The following SMIM10L3 variants were observed in gnomAD, a reference collection of about 807,000 sequenced individuals.
SMIM10L3 encodes salivary gland specific protein SAGSIN1.
At chr7:6,334,343 C>T in the SMIM10L3 span, among the ~76,000 whole-genome samples, 2 of 151,404 alleles carry the variant, frequency 1.3e-5, no homozygotes, top group Middle Eastern at 6.3e-3. Flanking sequence ...CAAGACCAGC[C>T]TGAACAACAT....
chr7:6,343,667 T>C, the SMIM10L3 span, among the ~76,000 whole-genome samples: 1 of 151,818 alleles, frequency 6.6e-6, no homozygotes, highest in South Asian at 2.1e-4. Flanking sequence ...TGCTTGCAAA[T>C]AGTATTTTAA....
chr7:6,342,706 A>T, the SMIM10L3 span, among the ~76,000 whole-genome samples: 1 of 152,092 alleles, frequency 6.6e-6, no homozygotes. Flanking sequence ...AAGCAACCCA[A>T]AAGTCCAACA....
the SMIM10L3 span, chr7:6,330,467 T>C: frequency 1.2e-6 from 2 of 1,614,174 alleles, no homozygotes. Flanking sequence ...CTTTTAAGCA[T>C]TTTCTTGAAT....
chr7:6,345,936 T>C, the SMIM10L3 span, among the ~76,000 whole-genome samples: 1 of 151,928 alleles, frequency 6.6e-6, no homozygotes, highest in East Asian at 1.9e-4. Context: ...ACCTGCCTAA[T>C]TTTTGTATTT....
At chr7:6,334,327 G>A in the SMIM10L3 span, among the ~76,000 whole-genome samples, 1 of 151,504 alleles carries the variant, frequency 6.6e-6, no homozygotes, top group Admixed American at 6.6e-5. Context: ...CCTGAGGTCA[G>A]GAGTTCAAGA....
chr7:6,348,206 G>A, the SMIM10L3 span, among the ~76,000 whole-genome samples: 1 of 141,438 alleles, frequency 7.1e-6, no homozygotes, highest in East Asian at 2.4e-4. Context: ...GCGCCCGGCC[G>A]AGACCCGTCT....
At chr7:6,329,627 C>G in the SMIM10L3 span, 3 of 161,414 alleles carry the variant, frequency 1.9e-5, no homozygotes, top group Non-Finnish European at 2.9e-5. Flanking sequence ...CAACAGGAGT[C>G]ACCTTGAAAA....
chr7:6,346,918 G>A, the SMIM10L3 span, among the ~76,000 whole-genome samples: 1 of 152,172 alleles, frequency 6.6e-6, no homozygotes, highest in Admixed American at 6.6e-5. Flanking sequence ...CTCCCCAAAG[G>A]AGGGTCCCTC....
chr7:6,344,802 A>T, the SMIM10L3 span, among the ~76,000 whole-genome samples: 4 of 151,670 alleles, frequency 2.6e-5, no homozygotes, highest in Non-Finnish European at 5.9e-5. Context: ...GTGCAATGGC[A>T]CGAACTTGGC....
chr7:6,340,804 C>CAGG, the SMIM10L3 span, among the ~76,000 whole-genome samples: 1 of 148,900 alleles, frequency 6.7e-6, no homozygotes. Context: ...GAGGCTGAGG[C>CAGG]AGGAGAATGG....
chr7:6,345,100 G>T, the SMIM10L3 span, among the ~76,000 whole-genome samples: 1 of 151,014 alleles, frequency 6.6e-6, no homozygotes, highest in Non-Finnish European at 1.5e-5. Context: ...AGATTTATGG[G>T]AGGTTATGTG....
chr7:6,348,318 T>C, the SMIM10L3 span, among the ~76,000 whole-genome samples: 2 of 152,010 alleles, frequency 1.3e-5, no homozygotes, highest in Non-Finnish European at 2.9e-5. Flanking sequence ...GCCCATGCAG[T>C]CTCGGACCCC....
the SMIM10L3 span, chr7:6,331,055 T>G: frequency 1.2e-6 from 2 of 1,613,826 alleles, no homozygotes; most frequent in Non-Finnish European, 1.7e-6. Context: ...CCCTCCGGCA[T>G]TCTTTTCTTA....
the SMIM10L3 span, among the ~76,000 whole-genome samples, chr7:6,339,196 G>A: frequency 6.6e-6 from 1 of 152,132 alleles, no homozygotes; most frequent in African/African-American, 2.4e-5. Flanking sequence ...GGCCAGGTGT[G>A]GTGGCTCACA....
the SMIM10L3 span, among the ~76,000 whole-genome samples, chr7:6,346,916 A>C: frequency 6.6e-6 from 1 of 152,296 alleles, no homozygotes; most frequent in Admixed American, 6.5e-5. Flanking sequence ...AACTCCCCAA[A>C]GGAGGGTCCC....
the SMIM10L3 span, among the ~76,000 whole-genome samples, chr7:6,343,978 C>G: frequency 1.3e-5 from 2 of 152,208 alleles, no homozygotes; most frequent in Admixed American, 6.6e-5. Flanking sequence ...CTTGAACTCC[C>G]AGGCACAGGT....
chr7:6,331,188 C>T, the SMIM10L3 span: 13 of 1,584,890 alleles, frequency 8.2e-6, no homozygotes, highest in Non-Finnish European at 1.1e-5. Context: ...GGCCTGAGGT[C>T]ACGCCTTCGT....
At chr7:6,332,262 T>C in the SMIM10L3 span, among the ~76,000 whole-genome samples, 1 of 152,124 alleles carries the variant, frequency 6.6e-6, no homozygotes, top group East Asian at 1.9e-4. Flanking sequence ...CTCTGTCATT[T>C]GCCCAAAACC....
chr7:6,344,451 C>T, the SMIM10L3 span, among the ~76,000 whole-genome samples: 1 of 152,106 alleles, frequency 6.6e-6, no homozygotes, highest in South Asian at 2.1e-4. Flanking sequence ...CAGACGGGGT[C>T]TTGCTCTGTT....
Sources: gnomAD v4.1 joint callset for allele counts (sites outside exome capture counted in the v4.1 genomes callset) on GRCh38, gnomAD v4.1.1 for gene constraint, MANE v1.5 for transcripts, NCBI Gene and HGNC (gene_info 2026-07-23, HGNC 2026-07-21) for gene names.